SORCS3: variants seen among roughly 807,000 people sequenced by gnomAD.
The protein encoded by SORCS3 is VPS10 domain-containing receptor SorCS3.
In SORCS3, 57 loss-of-function variants were observed where a neutral mutation model predicts 146.3. That is an observed-to-expected ratio of 0.39 (90% CI 0.31 to 0.49). The LOEUF (loss-of-function observed/expected upper bound fraction) is 0.49, where lower values mean the gene tolerates loss of function less well. Among genes scored for constraint, SORCS3 ranks in the 20% least tolerant of loss-of-function variants. The pLI is 0.92. For synonymous variants in SORCS3, 653 were observed against 618.5 expected, an observed-to-expected ratio of 1.06 and a Z score of -0.83; for missense variants, 1,341 against 1,575.5, an observed-to-expected ratio of 0.85 and a Z score of 2.52.
At chr10:105,134,234 TAG>T (rs1209968816) in intron 7 of SORCS3, among the ~76,000 whole-genome samples, 4 of 152,182 alleles carry the variant, frequency 2.6e-5, no homozygotes, top group Non-Finnish European at 1.5e-5. Context: ...AAAACCTCTG[TAG>T]AGTTGTTATG....
intron 3 of SORCS3, among the ~76,000 whole-genome samples, chr10:104,936,881 C>A (rs1291361232): frequency 6.6e-6 from 1 of 152,162 alleles, no homozygotes; most frequent in East Asian, 1.9e-4. Context: ...CTATCAAGTG[C>A]TTTGGTAACA....
chr10:104,838,129 G>T (rs375384115), intron 1 of SORCS3, among the ~76,000 whole-genome samples: 8 of 152,196 alleles, frequency 5.3e-5, no homozygotes, highest in African/African-American at 1.9e-4. Context: ...GTTAGCTCCT[G>T]CTTATGCTTC....
intron 3 of SORCS3, among the ~76,000 whole-genome samples, chr10:104,942,248 T>C (rs1364255521): frequency 3.3e-5 from 5 of 152,188 alleles, no homozygotes; most frequent in Admixed American, 3.3e-4. Flanking sequence ...GAGCAACTGC[T>C]GAAATATTTT....
rs1334030569 is a variant in SORCS3, at chr10:104,820,872, T to A, written c.628-21920T>A. On this transcript the variant is annotated intron_variant, in intron 1 of 26. Transcript: ENST00000369701. ...AAAGAAGGAGCAACAGAATCTGTCT[T>A]GAGAAGTCATGATAGGCCTTGGAGA... 3.9e-5 allele frequency among the ~76,000 whole-genome samples: 6 copies of A among 152,252 alleles called. No homozygotes were observed. The East Asian group carries it at 1.2e-3, about 29-fold the overall frequency.
chr10:104,738,999 C>A (rs2016810552), intron 1 of SORCS3, among the ~76,000 whole-genome samples: 1 of 152,154 alleles, frequency 6.6e-6, no homozygotes. Context: ...CTCTGGTGGT[C>A]TCTTTGAGGC....
chr10:104,802,680 A>G (rs562028739), intron 1 of SORCS3, among the ~76,000 whole-genome samples: 4 of 152,314 alleles, frequency 2.6e-5, no homozygotes, highest in African/African-American at 9.6e-5. Context: ...TGAAACATAA[A>G]CAGAATTTGT....
chr10:104,681,192 C>T (rs964725050), intron 1 of SORCS3, among the ~76,000 whole-genome samples: 3 of 152,228 alleles, frequency 2.0e-5, no homozygotes, highest in African/African-American at 7.2e-5. Flanking sequence ...TGGGGATTTT[C>T]TCCAAGTAAA....
At chr10:105,048,686 T>TA (rs904751354) in intron 5 of SORCS3, among the ~76,000 whole-genome samples, 3 of 151,514 alleles carry the variant, frequency 2.0e-5, no homozygotes, top group East Asian at 3.9e-4. Context: ...AAAGTATAAT[T>TA]AAAAAAAAGA....
chr10:104,827,595 A>G (rs1352299865), intron 1 of SORCS3, among the ~76,000 whole-genome samples: 3 of 152,154 alleles, frequency 2.0e-5, no homozygotes, highest in Non-Finnish European at 4.4e-5. Flanking sequence ...GAGATTGAGC[A>G]TAATTCTTAA....
At chr10:105,197,169 T>G (rs2056548561) in intron 14 of SORCS3, among the ~76,000 whole-genome samples, 1 of 152,142 alleles carries the variant, frequency 6.6e-6, no homozygotes, top group Non-Finnish European at 1.5e-5. Context: ...AAAGATACTT[T>G]TCCCACATAA....
intron 2 of SORCS3, among the ~76,000 whole-genome samples, chr10:104,877,908 A>G (rs190825525): frequency 5.1e-4 from 78 of 152,324 alleles, no homozygotes; most frequent in Non-Finnish European, 5.4e-4. Context: ...AGGTCTCCTT[A>G]GGAATAATAC....
At chr10:105,073,029 A>G (rs2055567733) in intron 5 of SORCS3, among the ~76,000 whole-genome samples, 1 of 152,192 alleles carries the variant, frequency 6.6e-6, no homozygotes, top group Admixed American at 6.5e-5. Flanking sequence ...TGTCAAGGTC[A>G]TATAGCTATT....
chr10:105,234,122 T>C (rs896731122), intron 20 of SORCS3, among the ~76,000 whole-genome samples: 2 of 152,168 alleles, frequency 1.3e-5, no homozygotes, highest in African/African-American at 4.8e-5. Flanking sequence ...CTTCTTCACT[T>C]TTGATGGATA....
chr10:105,028,840 G>A (rs1038443239), intron 4 of SORCS3, among the ~76,000 whole-genome samples: 2 of 152,086 alleles, frequency 1.3e-5, no homozygotes, highest in African/African-American at 2.4e-5. Context: ...AAGCCAGGAG[G>A]CACTCAGGAT....
intron 1 of SORCS3, among the ~76,000 whole-genome samples, chr10:104,676,099 A>G (rs1457614402): frequency 6.6e-6 from 1 of 152,154 alleles, no homozygotes; most frequent in African/African-American, 2.4e-5. Flanking sequence ...TTCATTTTCT[A>G]ATTTTTGTTC....
intron 1 of SORCS3, among the ~76,000 whole-genome samples, chr10:104,694,962 G>A (rs528802393): frequency 6.6e-5 from 10 of 152,132 alleles, no homozygotes; most frequent in Admixed American, 6.6e-4. Flanking sequence ...AGACCAAACA[G>A]CTTTTCTGTA....
chr10:105,143,352 T>C (rs1233186134), intron 8 of SORCS3, among the ~76,000 whole-genome samples: 1 of 152,162 alleles, frequency 6.6e-6, no homozygotes, highest in African/African-American at 2.4e-5. Flanking sequence ...GACTTCATCC[T>C]TCACTTTTTT....
chr10:105,055,330 A>T (rs1466940555), intron 5 of SORCS3, among the ~76,000 whole-genome samples: 1 of 152,210 alleles, frequency 6.6e-6, no homozygotes, highest in Non-Finnish European at 1.5e-5. Context: ...TACAGAGAGA[A>T]TATGCTTTAT....
intron 3 of SORCS3, among the ~76,000 whole-genome samples, chr10:104,974,658 G>C (rs1261868214): frequency 6.6e-6 from 1 of 152,142 alleles, no homozygotes; most frequent in East Asian, 1.9e-4. Flanking sequence ...CAATTTGCCA[G>C]TCTGTGTCTT....
Sources: allele counts gnomAD v4.1 joint callset (sites outside exome capture counted in the v4.1 genomes callset), GRCh38; gene constraint gnomAD v4.1.1; transcripts MANE v1.5; gene names NCBI Gene and HGNC (gene_info 2026-07-23, HGNC 2026-07-21).